The following SNTG1 variants were observed in gnomAD, a reference collection of about 807,000 sequenced individuals.
SNTG1 encodes the protein gamma-1-syntrophin.
SNTG1 carries 39 observed loss-of-function variants against 74.7 expected under a neutral mutation model. The ratio of observed to expected loss-of-function variants is 0.52; its 90% confidence interval spans 0.40 to 0.68. The LOEUF is 0.68. Ranked by LOEUF, SNTG1 falls within the 30% of genes least tolerant of loss-of-function variation. SNTG1 has a pLI of 0.00. For synonymous variants in SNTG1, 254 were observed against 217.1 expected, an observed-to-expected ratio of 1.17 and a Z score of -1.49; for missense variants, 685 against 609.5, an observed-to-expected ratio of 1.12 and a Z score of -1.30.
intron 13 of SNTG1, among the ~76,000 whole-genome samples, chr8:50,620,006 C>T (rs543127441): frequency 6.6e-6 from 1 of 152,020 alleles, no homozygotes; most frequent in South Asian, 2.1e-4. Context: ...ACAGATTTCT[C>T]ACCTTGTGTT....
intron 1 of SNTG1, among the ~76,000 whole-genome samples, chr8:49,981,416 T>C (rs1163710363): frequency 2.5e-5 from 3 of 121,450 alleles, no homozygotes; most frequent in African/African-American, 6.5e-5. Flanking sequence ...TTCCTTTATC[T>C]TGGAGGCAGG....
chr8:50,495,466 T>C (rs1205190343), intron 8 of SNTG1, among the ~76,000 whole-genome samples: 1 of 143,150 alleles, frequency 7.0e-6, no homozygotes, highest in Admixed American at 6.8e-5. Context: ...TCAAATTCTT[T>C]TTTTTTTTTT....
At chr8:50,014,064 T>C (rs1319106258) in intron 1 of SNTG1, among the ~76,000 whole-genome samples, 1 of 152,118 alleles carries the variant, frequency 6.6e-6, no homozygotes, top group East Asian at 1.9e-4. Context: ...TAAACTACAG[T>C]ATGACAGCAG....
intron 2 of SNTG1, among the ~76,000 whole-genome samples, chr8:50,385,983 A>G (rs2092568106): frequency 6.6e-6 from 1 of 152,200 alleles, no homozygotes; most frequent in Non-Finnish European, 1.5e-5. Context: ...TGATAGTAAT[A>G]AAGTCTACAA....
At chr8:50,496,244 C>A (rs535334015) in intron 8 of SNTG1, among the ~76,000 whole-genome samples, 2 of 152,112 alleles carry the variant, frequency 1.3e-5, no homozygotes, top group African/African-American at 2.4e-5. Flanking sequence ...GGCAGAAATA[C>A]GTCAATCTGA....
chr8:50,767,998 T>A (rs73677509), intron 18 of SNTG1, among the ~76,000 whole-genome samples: 3,025 of 152,086 alleles, frequency 0.02, 98 homozygotes, highest in African/African-American at 0.065. Context: ...GATCTGAAAG[T>A]CATGCTAGTG....
chr8:50,460,393 T>G (rs985825164), intron 8 of SNTG1, among the ~76,000 whole-genome samples: 1 of 152,210 alleles, frequency 6.6e-6, no homozygotes, highest in African/African-American at 2.4e-5. Flanking sequence ...AGTCCTTTGT[T>G]GGATGCATAG....
At chr8:50,483,875 T>C (rs2093761028) in intron 8 of SNTG1, among the ~76,000 whole-genome samples, 1 of 152,210 alleles carries the variant, frequency 6.6e-6, no homozygotes, top group Admixed American at 6.5e-5. Flanking sequence ...ATAAGTGCTA[T>C]GTATTATTTC....
In SNTG1 at chr8:50,093,956, G is replaced by C. The variant is rs536356329; in HGVS notation, c.-102-78605G>C. Among the ~76,000 whole-genome samples, 28 of 152,246 alleles carry C rather than the reference G, an allele frequency of 1.8e-4. 1 individual carries two copies. The highest frequency in any genetic ancestry group is 6.5e-4 in the African/African-American group (27 of 41,532). Reference sequence around the variant, plus strand: ...TGAGAAGATAATGAGGACATTACTTGAGATAGACAGAACAAAGAAAAAGGA... The same window carrying C: ...TGAGAAGATAATGAGGACATTACTTCAGATAGACAGAACAAAGAAAAAGGA... On this transcript the variant is annotated intron_variant, in intron 1 of 18. Coordinates refer to ENST00000642720, the MANE Select transcript of SNTG1 (RefSeq NM_018967.5).
intron 2 of SNTG1, among the ~76,000 whole-genome samples, chr8:50,323,588 C>G (rs1317879947): frequency 2.0e-5 from 3 of 152,154 alleles, no homozygotes; most frequent in Non-Finnish European, 2.9e-5. Context: ...GAAAAATTCT[C>G]TCAATTACCA....
Position 50,410,041 on chromosome 8 carries a change from C to T in SNTG1, c.162+7697C>T, listed in dbSNP as rs115881509. On this transcript the variant is annotated intron_variant, in intron 4 of 18. Coordinates refer to ENST00000642720, the MANE Select transcript of SNTG1 (RefSeq NM_018967.5). ...ATAAAACACACAATTAGCAATCCCA[C>T]GAGTGAAACCACAATTTCCTGAAGA... Among the ~76,000 whole-genome samples, 656 of 152,286 alleles carry T rather than the reference C, an allele frequency of 4.3e-3. 7 individuals are homozygous for T. Among genetic ancestry groups the T allele is most frequent in the African/African-American group, 0.012 (480 of 41,568 alleles).
intron 8 of SNTG1, among the ~76,000 whole-genome samples, chr8:50,472,656 CAGAT>C (rs1250478506): frequency 6.6e-6 from 1 of 151,992 alleles, no homozygotes; most frequent in Non-Finnish European, 1.5e-5. Context: ...AACAACTGAA[CAGAT>C]AGATAAATTG....
chr8:50,664,994 A>G (rs1402622176), intron 15 of SNTG1, among the ~76,000 whole-genome samples: 1 of 152,196 alleles, frequency 6.6e-6, no homozygotes, highest in Non-Finnish European at 1.5e-5. Context: ...CAATAGATTT[A>G]GCAAGAACAA....
intron 1 of SNTG1, among the ~76,000 whole-genome samples, chr8:49,946,203 G>C (rs1484448026): frequency 6.6e-6 from 1 of 152,084 alleles, no homozygotes; most frequent in East Asian, 1.9e-4. Context: ...GTTACTGTCA[G>C]CATTCTTTTT....
chr8:50,146,287 G>T (rs2131502183), intron 1 of SNTG1, among the ~76,000 whole-genome samples: 1 of 152,180 alleles, frequency 6.6e-6, no homozygotes, highest in African/African-American at 2.4e-5. Flanking sequence ...GGAGGCCGAG[G>T]CGGGTGGATC....
chr8:50,188,708 GA>G (rs2083466521), intron 2 of SNTG1, among the ~76,000 whole-genome samples: 1 of 152,056 alleles, frequency 6.6e-6, no homozygotes, highest in Admixed American at 6.6e-5. Flanking sequence ...ACCCAACTGT[GA>G]CTTTTGGGGG....
intron 15 of SNTG1, among the ~76,000 whole-genome samples, chr8:50,703,478 C>T (rs55834490): frequency 0.022 from 3,277 of 151,900 alleles, 99 homozygotes; most frequent in African/African-American, 0.071. Flanking sequence ...ATAATGATGC[C>T]GTCTTCTGGA....
intron 1 of SNTG1, among the ~76,000 whole-genome samples, chr8:50,086,627 G>A (rs1027898577): frequency 2.6e-5 from 4 of 152,048 alleles, no homozygotes; most frequent in African/African-American, 9.7e-5. Flanking sequence ...TGTTTGAAGG[G>A]CCTGAGGCAT....
At chr8:50,383,575 C>T (rs755181829) in intron 2 of SNTG1, among the ~76,000 whole-genome samples, 1 of 152,082 alleles carries the variant, frequency 6.6e-6, no homozygotes, top group Non-Finnish European at 1.5e-5. Flanking sequence ...TAGTAATAAC[C>T]GCCTTTTTCC....
Sources: gnomAD v4.1 joint callset for allele counts (sites outside exome capture counted in the v4.1 genomes callset) on GRCh38, gnomAD v4.1.1 for gene constraint, MANE v1.5 for transcripts, NCBI Gene and HGNC (gene_info 2026-07-23, HGNC 2026-07-21) for gene names.